TGFBR1: variants seen among roughly 807,000 people sequenced by gnomAD.
TGFBR1 encodes TGF-beta receptor type-1.
A neutral mutation model predicts 55.1 loss-of-function variants in TGFBR1; 20 were observed. The ratio of observed to expected loss-of-function variants is 0.36; its 90% confidence interval spans 0.26 to 0.53. TGFBR1 has a LOEUF of 0.53. Ranked by LOEUF, TGFBR1 falls within the 20% of genes least tolerant of loss-of-function variation. The probability of loss-of-function intolerance (pLI) is 0.91; values close to 1 mark genes in which losing one functional copy is unlikely to be tolerated. For missense variants in TGFBR1, 385 were observed against 617.6 expected (o/e 0.62, Z 3.99); for synonymous variants, 220 against 214.8 (o/e 1.02, Z -0.21).
intron 1 of TGFBR1, among the ~76,000 whole-genome samples, chr9:99,115,421 A>G (rs1231096842): frequency 6.6e-6 from 1 of 152,228 alleles, no homozygotes; most frequent in Non-Finnish European, 1.5e-5. Context: ...TTAAATATGC[A>G]TTGAATTACA....
chr9:99,111,351 G>A lies in TGFBR1; in HGVS notation c.97+6049G>A, dbSNP rs573931095. Among the ~76,000 whole-genome samples the A allele has an allele frequency of 3.2e-5, 4 of 126,746 alleles. No homozygotes were observed. In the South Asian group the frequency reaches 7.2e-4, roughly 23 times the overall value. The allele number at this position is 126,746 out of a possible 152,430, so 83.2% of individuals were successfully genotyped here. ...GAGTATAAAAAACCATTCTTGGGCT[G>A]GGCACAGTAGCTCACACCTGTAATC... On this transcript the variant is annotated intron_variant, in intron 1 of 8. Transcript: ENST00000374994.
intron 1 of TGFBR1, among the ~76,000 whole-genome samples, chr9:99,117,980 AATAC>A (rs1320590149): frequency 1.3e-5 from 2 of 152,122 alleles, no homozygotes; most frequent in African/African-American, 4.8e-5. Flanking sequence ...TCCATTTATA[AATAC>A]ATTTTAAAAT....
chr9:99,122,056 G>A (rs942284852), intron 1 of TGFBR1, among the ~76,000 whole-genome samples: 2 of 152,052 alleles, frequency 1.3e-5, no homozygotes, highest in African/African-American at 4.8e-5. Flanking sequence ...ATCCTGAAAC[G>A]TTTTGAAAAG....
At chr9:99,127,888 C>CTGTG (rs1177986527) in intron 1 of TGFBR1, 2 of 452,364 alleles carry the variant, frequency 4.4e-6, no homozygotes, top group Admixed American at 4.8e-5. Context: ...TTGAATGCTG[C>CTGTG]TGTGCATGAG....
chr9:99,138,209 A>T, intron 4 of TGFBR1, 120 bp downstream of exon 4: 5 of 869,770 alleles, frequency 5.7e-6, no homozygotes, highest in Non-Finnish European at 7.4e-6. Flanking sequence ...TGTAGATTAG[A>T]CCCATTAAGT....
chr9:99,139,411 T>G (rs1157554252), intron 4 of TGFBR1, among the ~76,000 whole-genome samples: 2 of 152,212 alleles, frequency 1.3e-5, no homozygotes, highest in African/African-American at 2.4e-5. Context: ...ACTGCTTTTT[T>G]TTGTTATTGA....
intron 3 of TGFBR1, among the ~76,000 whole-genome samples, chr9:99,133,969 A>C (rs969751010): frequency 6.7e-6 from 1 of 149,068 alleles, no homozygotes; most frequent in Admixed American, 6.8e-5. Context: ...GCACCACTGC[A>C]CTCCAGCCTG....
chr9:99,139,483 C>T (rs1016139117), intron 4 of TGFBR1, among the ~76,000 whole-genome samples: 2 of 152,196 alleles, frequency 1.3e-5, no homozygotes, highest in Admixed American at 6.5e-5. Flanking sequence ...GATCCCTCAT[C>T]GTCCAGCTTC....
intron 2 of TGFBR1, among the ~76,000 whole-genome samples, chr9:99,131,161 G>T (rs1032577039): frequency 2.7e-5 from 4 of 150,370 alleles, no homozygotes; most frequent in Non-Finnish European, 5.9e-5. Context: ...AAGAATAAAA[G>T]AATTATATAA....
Position 99,138,044 on chromosome 9 carries a change from T to C in TGFBR1, c.760T>C (p.Leu254=), listed in dbSNP as rs777077652. The C allele has an allele frequency of 1.2e-6, 2 of 1,614,072 alleles. No homozygotes were observed. ...REAEIYQTVM[L]RHENILGFIA... is the part of the protein sequence containing the mutation. ...GGCAGAGATTTATCAAACTGTAATG[T>C]TACGTCATGAAAACATCCTGGGATT... Residue 254 remains leucine, a synonymous_variant, in exon 4 of 9, where the codon TTA becomes CTA. Coordinates refer to ENST00000374994, the MANE Select transcript of TGFBR1 (RefSeq NM_004612.4).
At chr9:99,138,939 A>C (rs549618149) in intron 4 of TGFBR1, among the ~76,000 whole-genome samples, 168 of 152,156 alleles carry the variant, frequency 1.1e-3, no homozygotes, top group African/African-American at 3.9e-3. Flanking sequence ...CTGGGACTAC[A>C]GGCGTGCACC....
chr9:99,140,047 G>A (rs1827562393), intron 4 of TGFBR1, among the ~76,000 whole-genome samples: 1 of 152,164 alleles, frequency 6.6e-6, no homozygotes, highest in South Asian at 2.1e-4. Flanking sequence ...ACATCCTATT[G>A]CATCATATGT....
intron 8 of TGFBR1, among the ~76,000 whole-genome samples, chr9:99,148,813 C>A (rs11568804): frequency 2.5e-3 from 367 of 148,174 alleles, no homozygotes; most frequent in African/African-American, 8.9e-3. Flanking sequence ...CTTTGGGCGG[C>A]AGAGTGAGAC....
intron 1 of TGFBR1, among the ~76,000 whole-genome samples, chr9:99,105,578 G>T (rs943688223): frequency 1.3e-5 from 2 of 151,500 alleles, no homozygotes; most frequent in African/African-American, 4.8e-5. Context: ...GGGAGGTGGA[G>T]TCGGGCGGAG....
intron 1 of TGFBR1, among the ~76,000 whole-genome samples, chr9:99,127,053 T>A (rs1307055274): frequency 1.3e-5 from 2 of 152,114 alleles, no homozygotes; most frequent in African/African-American, 4.8e-5. Context: ...CAGACTTGGT[T>A]TGCTAGAAGG....
intron 1 of TGFBR1, among the ~76,000 whole-genome samples, chr9:99,115,249 A>G (rs1277384864): frequency 2.0e-5 from 3 of 151,826 alleles, no homozygotes; most frequent in African/African-American, 7.3e-5. Flanking sequence ...CCTTGTTCTC[A>G]CCACCAAGAC....
Position 99,128,845 on chromosome 9 carries a change from CTT to C in TGFBR1, c.98-6_98-5del, listed in dbSNP as rs748015678. 1.9e-6 allele frequency: 3 copies of C among 1,613,494 alleles called. No homozygotes were observed. The East Asian group carries it at 6.7e-5, about 36-fold the overall frequency. Reference sequence around the variant, plus strand: ...TGAGATTTTTTCTAAGAATCTTTCTCTTTTTCCAGCGTTACAGTGTTTCTGCC... The same window carrying C: ...TGAGATTTTTTCTAAGAATCTTTCTCTTTCCAGCGTTACAGTGTTTCTGCC... On this transcript the variant is annotated splice_polypyrimidine_tract_variant and splice_region_variant and intron_variant, in intron 1 of 8. Coordinates refer to ENST00000374994, the MANE Select transcript of TGFBR1 (RefSeq NM_004612.4).
At chr9:99,136,881 A>G (rs1462861618) in intron 3 of TGFBR1, among the ~76,000 whole-genome samples, 1 of 152,126 alleles carries the variant, frequency 6.6e-6, no homozygotes, top group Non-Finnish European at 1.5e-5. Context: ...GATTGTATAA[A>G]TAAGATATGA....
intron 1 of TGFBR1, 104 bp downstream of exon 1, chr9:99,105,406 C>G: frequency 1.1e-6 from 1 of 925,472 alleles, no homozygotes; most frequent in African/African-American, 1.8e-5. Flanking sequence ...GCCGGGGGCG[C>G]AGGTGGCGGC....
Sources: gnomAD v4.1 joint callset for allele counts (sites outside exome capture counted in the v4.1 genomes callset) on GRCh38, gnomAD v4.1.1 for gene constraint, MANE v1.5 for transcripts, NCBI Gene and HGNC (gene_info 2026-07-23, HGNC 2026-07-21) for gene names.